Variants in ITGA9 observed in about 807,000 individuals in gnomAD.
ITGA9 encodes integrin subunit alpha 9.
Under a neutral mutation model 127.8 loss-of-function variants are expected in ITGA9, and 56 were observed. The ratio of observed to expected loss-of-function variants is 0.44; its 90% CI spans 0.35 to 0.55. The LOEUF (loss-of-function observed/expected upper bound fraction) is 0.55, where lower values mean the gene tolerates loss of function less well. Among genes scored for constraint, ITGA9 ranks in the 20% least tolerant of loss-of-function variants. The probability of loss-of-function intolerance (pLI) is 0.00; values close to 1 mark genes in which losing one functional copy is unlikely to be tolerated. For synonymous variants in ITGA9, 508 were observed against 514.5 expected (o/e 0.99, Z 0.17); for missense variants, 1,196 against 1,347.1 (o/e 0.89, Z 1.76).
At chr3:37,605,818 G>A (rs1218905065) in intron 15 of ITGA9, among the ~76,000 whole-genome samples, 1 of 152,192 alleles carries the variant, frequency 6.6e-6, no homozygotes, top group Non-Finnish European at 1.5e-5. Context: ...CTCTAAGGGA[G>A]GGCGGCTGGT....
chr3:37,580,284 T>A (rs1019994208), intron 15 of ITGA9, among the ~76,000 whole-genome samples: 2 of 152,156 alleles, frequency 1.3e-5, no homozygotes, highest in African/African-American at 4.8e-5. Flanking sequence ...CTTCTGAAAA[T>A]CTAGTTACAT....
At chr3:37,457,018 G>A (rs1015742922) in intron 1 of ITGA9, among the ~76,000 whole-genome samples, 1 of 152,146 alleles carries the variant, frequency 6.6e-6, no homozygotes, top group Non-Finnish European at 1.5e-5. Flanking sequence ...TGGGCAGTGT[G>A]GGTTTAGAGC....
At chr3:37,733,166 T>C (rs1224300698) in intron 19 of ITGA9, among the ~76,000 whole-genome samples, 1 of 152,192 alleles carries the variant, frequency 6.6e-6, no homozygotes, top group Non-Finnish European at 1.5e-5. Context: ...GAAGATGTGG[T>C]CTGTCACCTA....
rs1403566634 is a variant in ITGA9 at position 37,820,110 on chromosome 3, C to G, written c.*1121C>G. 2 of 152,132 alleles carry G rather than the reference C, an allele frequency of 1.3e-5. No homozygotes were observed. The highest frequency in any genetic ancestry group is 2.9e-5 in the Non-Finnish European group (2 of 68,030). 9.4% of individuals were successfully genotyped at this position (152,132 alleles called of 1,614,324 possible). ...GAAACAAGGATTTGTGTGCAAGTAA[C>G]TTATTAAGGAAGTATTCCCAGGGGA... is the stretch of plus-strand genomic sequence containing the variant. On this transcript the variant is annotated 3_prime_UTR_variant, in exon 28 of 28. Transcript: ENST00000264741.
At chr3:37,588,102 A>T (rs556020853) in intron 15 of ITGA9, among the ~76,000 whole-genome samples, 2 of 152,332 alleles carry the variant, frequency 1.3e-5, no homozygotes, top group East Asian at 3.9e-4. Flanking sequence ...TCATCCTGTC[A>T]TTTGATGGTA....
intron 18 of ITGA9, among the ~76,000 whole-genome samples, chr3:37,723,929 C>T (rs1701218452): frequency 6.6e-6 from 1 of 152,236 alleles, no homozygotes; most frequent in African/African-American, 2.4e-5. Context: ...TTCTCTGGCC[C>T]TGCTGACAGG....
rs928063732 is a variant in ITGA9 at position 37,799,501 on chromosome 3, C to G, written c.2890-4322C>G. Among the ~76,000 whole-genome samples, 1 of 152,082 alleles carries G rather than the reference C, an allele frequency of 6.6e-6. No homozygotes were observed. The highest frequency in any genetic ancestry group is 2.1e-4 in the South Asian group (1 of 4,814). On this transcript the variant is annotated intron_variant, in intron 26 of 27. Coordinates refer to ENST00000264741, the MANE Select transcript of ITGA9 (RefSeq NM_002207.3). This position sits in a 1 kb window ranked among gnomAD's most constrained non-coding sequence, Gnocchi z 4.0. ...AGCCTGCAGAGAGGCTGGGGACCAC[C>G]GGTCTCACAGAGGAGAGGCCTCTAA...
chr3:37,620,881 G>A (rs1346854245), intron 15 of ITGA9, among the ~76,000 whole-genome samples: 1 of 152,034 alleles, frequency 6.6e-6, no homozygotes, highest in African/African-American at 2.4e-5. Flanking sequence ...ACAGTTTTTT[G>A]CTCACACTCC....
intron 18 of ITGA9, among the ~76,000 whole-genome samples, chr3:37,694,018 C>A (rs902178548): frequency 1.3e-5 from 2 of 152,216 alleles, no homozygotes; most frequent in South Asian, 4.1e-4. Flanking sequence ...GATGCCGATA[C>A]TTAGAAAATA....
chr3:37,531,692 T>G (rs1255564605), intron 13 of ITGA9, among the ~76,000 whole-genome samples: 1 of 152,230 alleles, frequency 6.6e-6, no homozygotes, highest in Non-Finnish European at 1.5e-5. Flanking sequence ...CTGTGAGGCT[T>G]TGGACACTCG....
intron 5 of ITGA9, among the ~76,000 whole-genome samples, chr3:37,500,130 G>A (rs1412518909): frequency 1.3e-5 from 2 of 152,138 alleles, no homozygotes; most frequent in Non-Finnish European, 2.9e-5. Flanking sequence ...CAAGCTCAAG[G>A]CCAGGAGAAA....
At chr3:37,457,814 G>C (rs534514138) in intron 1 of ITGA9, among the ~76,000 whole-genome samples, 1 of 152,280 alleles carries the variant, frequency 6.6e-6, no homozygotes, top group African/African-American at 2.4e-5. Flanking sequence ...AATGCTGGCT[G>C]GGGGCAGAGA....
At chr3:37,574,942 A>G (rs186212436) in intron 15 of ITGA9, among the ~76,000 whole-genome samples, 1 of 152,182 alleles carries the variant, frequency 6.6e-6, no homozygotes, top group Non-Finnish European at 1.5e-5. Context: ...CTGCCCTGGA[A>G]TTGCTTTCAA....
At chr3:37,477,760 G>A (rs1489030786) in intron 3 of ITGA9, among the ~76,000 whole-genome samples, 1 of 152,106 alleles carries the variant, frequency 6.6e-6, no homozygotes, top group Non-Finnish European at 1.5e-5. Flanking sequence ...GTCTAATGTC[G>A]CCCCTTTTCA....
Position 37,452,609 on chromosome 3 carries a change from G to C in ITGA9, c.185+50G>C, listed in dbSNP as rs979290440. On this transcript the variant is annotated intron_variant, in intron 1 of 27. Coordinates refer to ENST00000264741, the MANE Select transcript of ITGA9 (RefSeq NM_002207.3). This position sits in a 1 kb window ranked among gnomAD's most constrained non-coding sequence, Gnocchi z 7.3. ...CCCTGGCCCGCGCGGCCACCGCCCCGGCCCCCAGGCCAGCGCCGCCGCCGC... is the reference window on the plus strand; with the variant it reads ...CCCTGGCCCGCGCGGCCACCGCCCCCGCCCCCAGGCCAGCGCCGCCGCCGC... 7.0e-7 allele frequency: 1 copy of C among 1,434,144 alleles called. No individual in the cohort carries two copies. The highest frequency in any genetic ancestry group is 1.3e-5 in the South Asian group (1 of 75,034). 88.8% of individuals were successfully genotyped at this position (1,434,144 alleles called of 1,614,324 possible).
At chr3:37,580,075 A>G (rs145335981) in intron 15 of ITGA9, among the ~76,000 whole-genome samples, 9 of 152,356 alleles carry the variant, frequency 5.9e-5, no homozygotes, top group South Asian at 2.1e-4. Context: ...CATACCAAGT[A>G]CTACCTGATT....
intron 1 of ITGA9, among the ~76,000 whole-genome samples, chr3:37,463,263 A>G (rs1273902320): frequency 2.0e-5 from 3 of 152,210 alleles, no homozygotes; most frequent in Admixed American, 6.5e-5. Flanking sequence ...ATATTGCTGC[A>G]TCCCTAACAA....
intron 23 of ITGA9, among the ~76,000 whole-genome samples, chr3:37,758,781 G>A (rs897869426): frequency 1.3e-5 from 2 of 151,988 alleles, no homozygotes; most frequent in South Asian, 2.1e-4. Flanking sequence ...TGTAAAAATT[G>A]TTATTGTCTC....
At position 37,452,331 on chromosome 3, in the gene ITGA9, CG is replaced by C; in HGVS notation, c.-43del. ...CGGGCCCCGCGGCCCGCGCGCTCGG[CG>C]CCCTGCTCGCCGGGCAGAGGGGAAG... is the stretch of plus-strand genomic sequence containing the variant. On this transcript the variant is annotated 5_prime_UTR_variant, in exon 1 of 28. Coordinates refer to ENST00000264741, the MANE Select transcript of ITGA9 (RefSeq NM_002207.3). The surrounding 1 kb of genome is among the most constrained non-coding windows in gnomAD (Gnocchi z 7.3). 1 of 1,026,542 alleles carries C rather than the reference CG, an allele frequency of 9.7e-7. No homozygotes were observed. The highest frequency in any genetic ancestry group is 4.5e-5 in the South Asian group (1 of 22,100). 63.6% of individuals were successfully genotyped at this position (1,026,542 alleles called of 1,614,324 possible).
Sources: gnomAD v4.1 joint callset for allele counts (sites outside exome capture counted in the v4.1 genomes callset) on GRCh38, gnomAD v4.1.1 for gene constraint, Gnocchi (gnomAD v3.1) non-coding constraint, MANE v1.5 for transcripts, NCBI Gene and HGNC (gene_info 2026-07-23, HGNC 2026-07-21) for gene names.